The following TERT variants were observed in gnomAD, a reference collection of about 807,000 sequenced individuals.
The protein encoded by TERT is telomerase reverse transcriptase, also known as telomerase catalytic subunit.
A neutral mutation model predicts 104.0 loss-of-function variants in TERT; 42 were observed. That is an observed-to-expected ratio of 0.40 (90% CI 0.32 to 0.52). TERT has a LOEUF of 0.52. Among genes scored for constraint, TERT ranks in the 20% least tolerant of loss-of-function variants. The probability of loss-of-function intolerance (pLI) is 0.43; values close to 1 mark genes in which losing one functional copy is unlikely to be tolerated. For missense variants in TERT, 1,101 were observed against 1,610.3 expected (o/e 0.68, Z 5.41); for synonymous variants, 781 against 725.6 (o/e 1.08, Z -1.23).
At chr5:1,283,095 G>T (rs1750163524) in intron 2 of TERT, 1 of 337,762 alleles carries the variant, frequency 3.0e-6, no homozygotes, top group African/African-American at 2.2e-5. Context: ...CTCACCGCAG[G>T]GCCTGGCGAC....
chr5:1,272,147 G>A (rs938821215), intron 7 of TERT, 38 bp downstream of exon 7: 2 of 1,521,754 alleles, frequency 1.3e-6, no homozygotes, highest in African/African-American at 2.8e-5. Context: ...ACCCACTGCT[G>A]GGAGTCCGTG....
chr5:1,260,246 A>G (rs577402125), intron 12 of TERT, among the ~76,000 whole-genome samples: 4 of 152,364 alleles, frequency 2.6e-5, no homozygotes, highest in Admixed American at 2.0e-4. Flanking sequence ...TCAGGTGTGC[A>G]TTCGCATGTG....
chr5:1,286,080 T>C lies in TERT; in HGVS notation c.1574-3456A>G, dbSNP rs1380486186. Among the ~76,000 whole-genome samples the C allele has an allele frequency of 6.6e-6, 1 of 151,996 alleles. No individual in the cohort carries two copies. The highest frequency in any genetic ancestry group is 1.5e-5 in the Non-Finnish European group (1 of 68,000). Reference sequence around the variant, plus strand: ...CACCAGACCCCGACATGCCTGGGGTTTTCCAGGCTGAACCCAGGCCGAGCG... The same window carrying C: ...CACCAGACCCCGACATGCCTGGGGTCTTCCAGGCTGAACCCAGGCCGAGCG... On this transcript the variant is annotated intron_variant, in intron 2 of 15. Coordinates refer to ENST00000310581, the MANE Select transcript of TERT (RefSeq NM_198253.3). This position sits in a 1 kb window ranked among gnomAD's most constrained non-coding sequence, Gnocchi z 5.3.
At chr5:1,281,400 C>T (rs1750013436) in intron 3 of TERT, among the ~76,000 whole-genome samples, 1 of 152,204 alleles carries the variant, frequency 6.6e-6, no homozygotes, top group African/African-American at 2.4e-5. Flanking sequence ...TCACAAGGCC[C>T]CCCAGGGACT....
At chr5:1,278,295 T>C (rs763831195) in intron 6 of TERT, among the ~76,000 whole-genome samples, 2 of 151,950 alleles carry the variant, frequency 1.3e-5, no homozygotes, top group African/African-American at 4.8e-5. Context: ...ACCCATGCCA[T>C]AGACACGCAT....
In TERT at chr5:1,293,954, G is replaced by A. The variant is rs974018889; in HGVS notation, c.932C>T (p.Ser311Leu). 6.4e-7 allele frequency: 1 copy of A among 1,551,742 alleles called. No individual in the cohort carries two copies. Among genetic ancestry groups the A allele is most frequent in the African/African-American group, 1.4e-5 (1 of 73,354 alleles). Residue 311 changes from serine to leucine, a missense_variant, in exon 2 of 16, where the codon TCG (serine) becomes TTG (leucine). Physicochemically the swap from Ser to Leu is moderately radical, Grantham distance 145. Transcript: ENST00000310581. ...CGTGTCCCAGGGACGTGGTGGCCGCGATGTGGATGGGGGGCCCGCGTGGTG... is the reference window on the plus strand; with the variant it reads ...CGTGTCCCAGGGACGTGGTGGCCGCAATGTGGATGGGGGGCCCGCGTGGTG... ...RQHHAGPPST[S>L]RPPRPWDTPC...
At chr5:1,254,904 C>T (rs1249390413) in intron 14 of TERT, among the ~76,000 whole-genome samples, 1 of 152,170 alleles carries the variant, frequency 6.6e-6, no homozygotes, top group Non-Finnish European at 1.5e-5. Flanking sequence ...TGGCCTCCTC[C>T]TAAGCCCTTG....
At chr5:1,289,348 A>T (rs11950844) in intron 2 of TERT, among the ~76,000 whole-genome samples, 10 of 143,836 alleles carry the variant, frequency 7.0e-5, no homozygotes, top group Non-Finnish European at 1.5e-4. Flanking sequence ...TGCCTCACTC[A>T]CCCTACACGT....
chr5:1,282,308 G>A, intron 3 of TERT, 121 bp downstream of exon 3: 1 of 1,106,846 alleles, frequency 9.0e-7, no homozygotes, highest in Admixed American at 1.9e-5. Context: ...CGGGGCCCCT[G>A]GCTCCCAGCC....
chr5:1,282,972 G>C (rs1750148662), intron 2 of TERT: 1 of 395,386 alleles, frequency 2.5e-6, no homozygotes, highest in Non-Finnish European at 4.8e-6. Context: ...GCCCACCGCA[G>C]GGCCTGGCGA....
At position 1,282,243 on chromosome 5, in the gene TERT, G is replaced by A. The variant is rs149151343; in HGVS notation, c.1769+186C>T. ...CTCCTGATTTTACAAGTAAGAGAAC[G>A]TGAGCTCCAGGCAGTCAGAGCCTTG... On this transcript the variant is annotated intron_variant, in intron 3 of 15. Transcript: ENST00000310581. 9.2e-5 allele frequency among the ~76,000 whole-genome samples: 14 copies of A among 152,332 alleles called. No homozygotes were observed. In the East Asian group the frequency reaches 2.5e-3, roughly 27 times the overall value.
rs1750532433 is a variant in TERT, at chr5:1,286,965, C to T, written c.1574-4341G>A. On this transcript the variant is annotated intron_variant, in intron 2 of 15. Coordinates refer to ENST00000310581, the MANE Select transcript of TERT (RefSeq NM_198253.3). This position sits in a 1 kb window ranked among gnomAD's most constrained non-coding sequence, Gnocchi z 5.3. ...AAGCAAATGCCCAGTGACCAGGAGG[C>T]AACGAGAGGATCAACACACACTCGG... Among the ~76,000 whole-genome samples the T allele has an allele frequency of 6.6e-6, 1 of 152,084 alleles. No individual in the cohort carries two copies. The highest frequency in any genetic ancestry group is 1.9e-4 in the East Asian group (1 of 5,148).
At chr5:1,281,448 G>C (rs967510809) in intron 3 of TERT, among the ~76,000 whole-genome samples, 2 of 152,220 alleles carry the variant, frequency 1.3e-5, no homozygotes, top group African/African-American at 4.8e-5. Flanking sequence ...CTGATCTTCT[G>C]ACTAAAGCCC....
chr5:1,258,482 TAA>T, intron 13 of TERT, 114 bp downstream of exon 13: 3 of 927,142 alleles, frequency 3.2e-6, no homozygotes, highest in Non-Finnish European at 3.4e-6. Context: ...ACTGAAAACG[TAA>T]GACATTCCTT....
intron 2 of TERT, among the ~76,000 whole-genome samples, chr5:1,291,211 G>A: frequency 4.3e-5 from 1 of 23,290 alleles, no homozygotes; most frequent in Non-Finnish European, 7.5e-5. Context: ...ACACGTGACA[G>A]GGACACCTGG....
intron 2 of TERT, among the ~76,000 whole-genome samples, chr5:1,285,403 G>A (rs191161394): frequency 4.6e-5 from 7 of 152,304 alleles, no homozygotes; most frequent in Admixed American, 2.6e-4. Flanking sequence ...CTACACACGG[G>A]ATCCCGCAGA....
rs1283237101 is a variant in TERT, at chr5:1,256,680, A to G, written c.3033-1269T>C. On this transcript the variant is annotated intron_variant, in intron 13 of 15. Coordinates refer to ENST00000310581, the MANE Select transcript of TERT (RefSeq NM_198253.3). The surrounding 1 kb of genome is among the most constrained non-coding windows in gnomAD (Gnocchi z 7.0). ...CTCTCAGTAACTCTGCTGAGGTGGG[A>G]TGTCTTTTCCCCATTTAGCAACAAC... Among the ~76,000 whole-genome samples the G allele has an allele frequency of 6.6e-6, 1 of 152,198 alleles. No homozygotes were observed. Among genetic ancestry groups the G allele is most frequent in the African/African-American group, 2.4e-5 (1 of 41,442 alleles).
intron 3 of TERT, among the ~76,000 whole-genome samples, chr5:1,280,975 G>A (rs1011760916): frequency 2.6e-5 from 4 of 152,210 alleles, no homozygotes; most frequent in Non-Finnish European, 5.9e-5. Flanking sequence ...CGGGTGCTCC[G>A]GAGCTGGTGC....
In TERT at chr5:1,265,609, C is replaced by A. The variant is rs1047045109; in HGVS notation, c.2654+855G>T. ...GCCTGCTGTGCTCCGGGCTGCGGCA[C>A]AAGGAACGCCAGGCATACCCCCAGC... On this transcript the variant is annotated intron_variant, in intron 10 of 15. Coordinates refer to ENST00000310581, the MANE Select transcript of TERT (RefSeq NM_198253.3). This position sits in a 1 kb window ranked among gnomAD's most constrained non-coding sequence, Gnocchi z 6.9. Among the ~76,000 whole-genome samples, 3 of 152,048 alleles carry A rather than the reference C, an allele frequency of 2.0e-5. No homozygotes were observed. Among genetic ancestry groups the A allele is most frequent in the Non-Finnish European group, 4.4e-5 (3 of 68,012 alleles).
Sources: allele counts gnomAD v4.1 joint callset (sites outside exome capture counted in the v4.1 genomes callset), GRCh38; gene constraint gnomAD v4.1.1; non-coding constraint Gnocchi (gnomAD v3.1); transcripts MANE v1.5; gene names NCBI Gene and HGNC (gene_info 2026-07-23, HGNC 2026-07-21).